Variants in KIF24 observed in about 807,000 individuals in gnomAD.
The protein encoded by KIF24 is kinesin family member 24, also known as kinesin-like protein KIF24.
In KIF24, 81 loss-of-function variants were observed where a neutral mutation model predicts 118.9. The ratio of observed to expected loss-of-function variants is 0.68; its 90% confidence interval spans 0.57 to 0.82. The LOEUF (loss-of-function observed/expected upper bound fraction) is 0.82, where lower values mean the gene tolerates loss of function less well. KIF24 is among the 40% of genes least tolerant of loss of function. The pLI, the probability that KIF24 is intolerant of heterozygous loss-of-function variation, is 0.00. For synonymous variants in KIF24, 599 were observed against 610.0 expected (o/e 0.98, Z 0.27); for missense variants, 1,560 against 1,661.6 (o/e 0.94, Z 1.06).
At chr9:34,330,319 G>A (rs1837866252), upstream of KIF24, among the ~76,000 whole-genome samples, 1 of 152,154 alleles carries the variant, frequency 6.6e-6, no homozygotes, top group South Asian at 2.1e-4. Flanking sequence ...GCAGGAGAAT[G>A]GCATGAACCC....
chr9:34,259,589 G>T lies in KIF24; in HGVS notation c.1625+7C>A. ...ACACACAACCTGCCATCTGGGAGCTGACTTACCGGTCAGCATAGCGCAAGG... is the reference window on the plus strand; with the variant it reads ...ACACACAACCTGCCATCTGGGAGCTTACTTACCGGTCAGCATAGCGCAAGG... On this transcript the variant is annotated splice_region_variant and intron_variant, in intron 10 of 12. Transcript: ENST00000402558. 2 of 1,610,134 alleles carry T rather than the reference G, an allele frequency of 1.2e-6. No individual in the cohort carries two copies. The highest frequency in any genetic ancestry group is 2.2e-5 in the South Asian group (2 of 90,912).
intron 1 of KIF24, among the ~76,000 whole-genome samples, 162 bp downstream of exon 1, chr9:34,328,944 G>A (rs1837775541): frequency 6.6e-6 from 1 of 152,188 alleles, no homozygotes; most frequent in Admixed American, 6.5e-5. Context: ...TAGGAAAGTA[G>A]GTGAACTTTA....
intron 9 of KIF24, among the ~76,000 whole-genome samples, chr9:34,260,816 CAA>C (rs1267037970): frequency 6.6e-6 from 1 of 151,974 alleles, no homozygotes; most frequent in Non-Finnish European, 1.5e-5. Context: ...ACTAAAAATA[CAA>C]AAGTTAGTGA....
At chr9:34,293,669 G>A (rs892974948) in intron 4 of KIF24, among the ~76,000 whole-genome samples, 8 of 151,962 alleles carry the variant, frequency 5.3e-5, no homozygotes, top group African/African-American at 1.4e-4. Context: ...CCAGCTACTC[G>A]GGAGGCTGAG....
upstream of KIF24, among the ~76,000 whole-genome samples, chr9:34,332,491 A>C (rs1369706337): frequency 6.6e-6 from 1 of 152,140 alleles, no homozygotes; most frequent in Non-Finnish European, 1.5e-5. Flanking sequence ...AATCCTTCAC[A>C]CTGTCTGTCG....
intron 4 of KIF24, 144 bp from the exon 5 acceptor site, chr9:34,290,533 G>A (rs1836217961): frequency 5.9e-6 from 3 of 509,674 alleles, no homozygotes; most frequent in Non-Finnish European, 1.0e-5. Flanking sequence ...AAGGAGAAGA[G>A]GACTTTACAT....
At chr9:34,296,362 T>C (rs1419325216) in intron 4 of KIF24, among the ~76,000 whole-genome samples, 3 of 145,732 alleles carry the variant, frequency 2.1e-5, no homozygotes, top group Non-Finnish European at 4.5e-5. Context: ...CCATCTCTAC[T>C]AAAAATACAA....
Position 34,257,994 on chromosome 9 carries a change from AT to A in KIF24, c.1626-14del. On this transcript the variant is annotated splice_polypyrimidine_tract_variant and intron_variant, in intron 10 of 12. Transcript: ENST00000402558. ...TAGTTCTTTGACCCTGTAAATAATCATTTTATGTTAAATGTGTATTTTCACA... is the reference window on the plus strand; with the variant it reads ...TAGTTCTTTGACCCTGTAAATAATCATTTATGTTAAATGTGTATTTTCACA... 7 of 1,542,752 alleles carry A rather than the reference AT, an allele frequency of 4.5e-6. No individual in the cohort carries two copies. Among genetic ancestry groups the A allele is most frequent in the Non-Finnish European group, 6.1e-6 (7 of 1,140,430 alleles).
At chr9:34,308,698 T>C (rs1837024325) in intron 2 of KIF24, among the ~76,000 whole-genome samples, 1 of 152,178 alleles carries the variant, frequency 6.6e-6, no homozygotes, top group Admixed American at 6.6e-5. Flanking sequence ...CTTTTTAAAA[T>C]TGTTCAGGGC....
intron 4 of KIF24, among the ~76,000 whole-genome samples, chr9:34,292,546 G>C (rs1465746108): frequency 6.6e-6 from 1 of 152,174 alleles, no homozygotes; most frequent in Non-Finnish European, 1.5e-5. Context: ...TTATAGCATG[G>C]ACAGGGATGG....
intron 1 of KIF24, 106 bp from the exon 2 acceptor site, chr9:34,311,477 A>G (rs1361800476): frequency 1.9e-6 from 1 of 527,384 alleles, no homozygotes; most frequent in Non-Finnish European, 3.1e-6. Flanking sequence ...CATGCAAAAA[A>G]TGTTTTATCT....
chr9:34,263,101 C>A lies in KIF24; in HGVS notation c.1515G>T (p.Gln505His). The change falls in exon 9 of 13, where the codon CAG becomes CAT. Residue 505 changes from glutamine to histidine, a missense_variant and splice_region_variant. By Grantham distance (24) the Gln-to-His change is conservative (BLOSUM62 0). Transcript: ENST00000402558. ...HTPFRQSKLT[Q>H]VLKDSFIGNA... ...ACTCAAGGCTCACATTTAACTTTAC[C>A]TGAGTTAGTTTGCTTTGCCTGAAGG... 1 of 1,609,934 alleles carries A rather than the reference C, an allele frequency of 6.2e-7. No homozygotes were observed. Among genetic ancestry groups the A allele is most frequent in the Non-Finnish European group, 8.5e-7 (1 of 1,176,736 alleles).
intron 4 of KIF24, among the ~76,000 whole-genome samples, chr9:34,296,328 CA>C (rs1836475974): frequency 1.3e-5 from 2 of 149,308 alleles, no homozygotes; most frequent in African/African-American, 4.9e-5. Context: ...AGATGGAGAC[CA>C]TCCTGGCTAA....
intron 6 of KIF24, among the ~76,000 whole-genome samples, chr9:34,285,104 A>G (rs954171803): frequency 6.6e-6 from 1 of 152,150 alleles, no homozygotes; most frequent in African/African-American, 2.4e-5. Context: ...AGTAAGTTAG[A>G]GGGGCCTTTA....
chr9:34,305,349 C>T (rs1836871278), intron 3 of KIF24, among the ~76,000 whole-genome samples: 1 of 152,134 alleles, frequency 6.6e-6, no homozygotes, highest in Non-Finnish European at 1.5e-5. Flanking sequence ...AAGTGGTCTG[C>T]TCAGAGCCCA....
At chr9:34,276,839 T>G (rs1835677028) in intron 6 of KIF24, among the ~76,000 whole-genome samples, 1 of 152,152 alleles carries the variant, frequency 6.6e-6, no homozygotes, top group South Asian at 2.1e-4. Context: ...AGAGCTACAG[T>G]GGTAATCTCT....
intron 1 of KIF24, among the ~76,000 whole-genome samples, chr9:34,315,846 T>G (rs1837310481): frequency 6.6e-6 from 1 of 151,564 alleles, no homozygotes. Context: ...CTGGCCAACA[T>G]GGCAAAACCC....
chr9:34,294,399 A>G (rs1836379755), intron 4 of KIF24, among the ~76,000 whole-genome samples: 1 of 152,148 alleles, frequency 6.6e-6, no homozygotes, highest in South Asian at 2.1e-4. Flanking sequence ...CTACTAAAAA[A>G]TAAAAAATTA....
chr9:34,256,329 G>A lies in KIF24; in HGVS notation c.3278C>T (p.Thr1093Ile). The change falls in exon 11 of 13, where the codon ACA becomes ATA. Residue 1093 changes from threonine (T) to isoleucine (I), a missense_variant. Coordinates refer to ENST00000402558, the MANE Select transcript of KIF24 (RefSeq NM_194313.4). ...TGCCTCTTGATCACCAGATGGCACT[G>A]TGTGGCTCACAACTGGGCCCCCTGT... ...ESTGGPVVSHTVPSGDQEAAL... is the reference protein window; with the variant it reads ...ESTGGPVVSHIVPSGDQEAAL... 1 of 1,613,558 alleles carries A rather than the reference G, an allele frequency of 6.2e-7. No homozygotes were observed. The highest frequency in any genetic ancestry group is 1.1e-5 in the South Asian group (1 of 91,070).
Sources: gnomAD v4.1 joint callset for allele counts (sites outside exome capture counted in the v4.1 genomes callset) on GRCh38, gnomAD v4.1.1 for gene constraint, MANE v1.5 for transcripts, NCBI Gene and HGNC (gene_info 2026-07-23, HGNC 2026-07-21) for gene names.